AGBL4: variants seen among roughly 807,000 people sequenced by gnomAD.
The protein encoded by AGBL4 is cytosolic carboxypeptidase 6.
Under a neutral mutation model 66.4 loss-of-function variants are expected in AGBL4, and 58 were observed. That is an observed-to-expected ratio of 0.87 (90% CI 0.71 to 1.09). The LOEUF (loss-of-function observed/expected upper bound fraction) is 1.09. AGBL4 is among the 50% of genes least tolerant of loss of function. The pLI, the probability that AGBL4 is intolerant of heterozygous loss-of-function variation, is 0.00. For synonymous variants in AGBL4, 234 were observed against 222.9 expected (o/e 1.05, Z -0.44); for missense variants, 579 against 631.0 (o/e 0.92, Z 0.88).
chr1:49,660,246 C>T (rs1187201250), intron 3 of AGBL4, among the ~76,000 whole-genome samples: 1 of 151,826 alleles, frequency 6.6e-6, no homozygotes, highest in Non-Finnish European at 1.5e-5. Context: ...GGAACTCAAA[C>T]AAATTTACAA....
At chr1:49,922,449 C>T (rs182779094) in intron 1 of AGBL4, among the ~76,000 whole-genome samples, 3 of 152,138 alleles carry the variant, frequency 2.0e-5, no homozygotes, top group South Asian at 2.1e-4. Flanking sequence ...TTGAAGTCCT[C>T]GCCAGGGCAA....
At chr1:48,668,612 C>T (rs1344535920) in intron 6 of AGBL4, among the ~76,000 whole-genome samples, 2 of 152,186 alleles carry the variant, frequency 1.3e-5, no homozygotes, top group Non-Finnish European at 2.9e-5. Context: ...GGCCGTCTGG[C>T]TTACTCCTAC....
chr1:49,791,432 C>A (rs867212382), intron 2 of AGBL4, among the ~76,000 whole-genome samples: 2 of 152,056 alleles, frequency 1.3e-5, no homozygotes, highest in Middle Eastern at 3.4e-3. Context: ...AAATTTCCAC[C>A]TTCCATATAG....
chr1:48,524,071 T>C, the AGBL4 span, among the ~76,000 whole-genome samples: 3 of 152,174 alleles, frequency 2.0e-5, no homozygotes, highest in African/African-American at 4.8e-5. Flanking sequence ...AGGTGGTGTG[T>C]GACTGTATTT....
At chr1:48,735,603 T>G (rs1378284184) in intron 6 of AGBL4, among the ~76,000 whole-genome samples, 1 of 151,958 alleles carries the variant, frequency 6.6e-6, no homozygotes, top group Non-Finnish European at 1.5e-5. Context: ...AGCCCTATCT[T>G]TAGGGAGACA....
intron 1 of AGBL4, among the ~76,000 whole-genome samples, chr1:49,901,090 C>G (rs903018321): frequency 6.6e-6 from 1 of 152,118 alleles, no homozygotes; most frequent in African/African-American, 2.4e-5. Context: ...CTTCTTTTAT[C>G]ACTCTATAAA....
chr1:49,903,728 T>A (rs768895538), intron 1 of AGBL4, among the ~76,000 whole-genome samples: 2 of 152,054 alleles, frequency 1.3e-5, no homozygotes, highest in Non-Finnish European at 2.9e-5. Context: ...ATAATTATAG[T>A]GATAAATAAA....
chr1:49,327,446 C>T (rs1267196748), intron 3 of AGBL4, among the ~76,000 whole-genome samples: 1 of 152,190 alleles, frequency 6.6e-6, no homozygotes, highest in African/African-American at 2.4e-5. Flanking sequence ...AAATCAGAGA[C>T]TGGGTAATTT....
At chr1:49,946,462 G>A (rs1655216939) in intron 1 of AGBL4, among the ~76,000 whole-genome samples, 1 of 151,962 alleles carries the variant, frequency 6.6e-6, no homozygotes, top group Admixed American at 6.6e-5. Context: ...AATGATCATT[G>A]AGTCAACAAT....
chr1:49,791,836 T>C (rs1359905345), intron 2 of AGBL4, among the ~76,000 whole-genome samples: 1 of 152,152 alleles, frequency 6.6e-6, no homozygotes, highest in East Asian at 1.9e-4. Context: ...TGAAATTATA[T>C]GTGTGTTCAT....
At chr1:49,251,735 C>T (rs1652084526) in intron 3 of AGBL4, among the ~76,000 whole-genome samples, 1 of 152,162 alleles carries the variant, frequency 6.6e-6, no homozygotes, top group African/African-American at 2.4e-5. Flanking sequence ...AACTGCAAAC[C>T]TTGAGCAGCT....
intron 3 of AGBL4, among the ~76,000 whole-genome samples, chr1:49,290,436 A>G (rs1411943661): frequency 6.6e-6 from 1 of 152,212 alleles, no homozygotes; most frequent in Non-Finnish European, 1.5e-5. Context: ...CTAATATTCT[A>G]TTGGCTAGAG....
intron 5 of AGBL4, among the ~76,000 whole-genome samples, chr1:48,942,960 A>AT (rs1469114191): frequency 6.6e-6 from 1 of 152,150 alleles, no homozygotes; most frequent in East Asian, 1.9e-4. Context: ...AGTGAGCTGG[A>AT]TTTTTTACGG....
chr1:49,731,297 A>C (rs1339634723), intron 2 of AGBL4, among the ~76,000 whole-genome samples: 1 of 152,188 alleles, frequency 6.6e-6, no homozygotes, highest in Non-Finnish European at 1.5e-5. Flanking sequence ...AATTACTAAA[A>C]CATGCCATCT....
At chr1:48,543,762 T>A (rs1644115391) in intron 11 of AGBL4, among the ~76,000 whole-genome samples, 1 of 152,222 alleles carries the variant, frequency 6.6e-6, no homozygotes, top group Non-Finnish European at 1.5e-5. Flanking sequence ...GCCTAGGACA[T>A]GAAACTTAGC....
At chr1:48,879,895 C>T (rs1035624975) in intron 5 of AGBL4, among the ~76,000 whole-genome samples, 1 of 152,020 alleles carries the variant, frequency 6.6e-6, no homozygotes, top group African/African-American at 2.4e-5. Context: ...AATAATTCTA[C>T]CAATGATATC....
chr1:49,663,817 G>A (rs1054542857), intron 3 of AGBL4, among the ~76,000 whole-genome samples: 6 of 152,020 alleles, frequency 3.9e-5, no homozygotes, highest in African/African-American at 1.4e-4. Flanking sequence ...TTGGGAATAG[G>A]AGTGAAAGAG....
intron 6 of AGBL4, among the ~76,000 whole-genome samples, chr1:48,731,885 A>G (rs1648196885): frequency 6.6e-6 from 1 of 152,144 alleles, no homozygotes; most frequent in Non-Finnish European, 1.5e-5. Context: ...GTGGTGGTCA[A>G]GGGATATCTG....
intron 3 of AGBL4, among the ~76,000 whole-genome samples, chr1:49,418,530 T>TAAC (rs902986716): frequency 6.6e-6 from 1 of 152,164 alleles, no homozygotes; most frequent in Non-Finnish European, 1.5e-5. Context: ...AAAGAACATG[T>TAAC]AACAACAACA....
Sources: allele counts gnomAD v4.1 joint callset (sites outside exome capture counted in the v4.1 genomes callset), GRCh38; gene constraint gnomAD v4.1.1; transcripts MANE v1.5; gene names NCBI Gene and HGNC (gene_info 2026-07-23, HGNC 2026-07-21).